PARD3B: variants seen among roughly 807,000 people sequenced by gnomAD.
PARD3B encodes the protein partitioning defective 3 homolog B.
A neutral mutation model predicts 130.2 loss-of-function variants in PARD3B; 103 were observed. That is an observed-to-expected ratio of 0.79 (90% confidence interval 0.67 to 0.93). The LOEUF (loss-of-function observed/expected upper bound fraction) is 0.93, where lower values mean the gene tolerates loss of function less well. PARD3B is among the 40% of genes least tolerant of loss of function. The pLI is 0.00. For synonymous variants in PARD3B, 583 were observed against 553.2 expected (o/e 1.05, Z -0.76); for missense variants, 1,609 against 1,499.2 (o/e 1.07, Z -1.21).
chr2:205,226,302 A>T (rs1242723296), intron 15 of PARD3B, among the ~76,000 whole-genome samples: 4 of 151,986 alleles, frequency 2.6e-5, no homozygotes, highest in Non-Finnish European at 5.9e-5. Flanking sequence ...TGGCCTCCCA[A>T]GTTCTGGGAT....
At chr2:205,151,824 G>A (rs1413817159) in intron 10 of PARD3B, among the ~76,000 whole-genome samples, 2 of 152,102 alleles carry the variant, frequency 1.3e-5, no homozygotes, top group Non-Finnish European at 2.9e-5. Flanking sequence ...TGGATATTTT[G>A]CCCATTAGTT....
intron 4 of PARD3B, among the ~76,000 whole-genome samples, chr2:205,053,831 CA>C (rs781389226): frequency 6.6e-6 from 1 of 151,876 alleles, no homozygotes; most frequent in Non-Finnish European, 1.5e-5. Context: ...AAGAGCAAAA[CA>C]GGGGGAGAAA....
chr2:205,368,148 A>G (rs2044676698), intron 18 of PARD3B, among the ~76,000 whole-genome samples: 1 of 152,184 alleles, frequency 6.6e-6, no homozygotes, highest in Non-Finnish European at 1.5e-5. Context: ...TAAATGGGGG[A>G]CAAAATAGCA....
intron 2 of PARD3B, among the ~76,000 whole-genome samples, chr2:204,784,742 C>T (rs1391117933): frequency 6.6e-6 from 1 of 152,102 alleles, no homozygotes; most frequent in African/African-American, 2.4e-5. Context: ...TGGTACCTAG[C>T]CCATTTATAA....
intron 3 of PARD3B, among the ~76,000 whole-genome samples, chr2:205,018,205 A>G (rs1343064235): frequency 6.6e-6 from 1 of 152,136 alleles, no homozygotes; most frequent in African/African-American, 2.4e-5. Flanking sequence ...TAAATCTGGA[A>G]AGAAGGAAGG....
intron 4 of PARD3B, among the ~76,000 whole-genome samples, chr2:205,080,327 C>T (rs1289708757): frequency 6.6e-6 from 1 of 152,092 alleles, no homozygotes; most frequent in African/African-American, 2.4e-5. Flanking sequence ...TCCTGCTCTG[C>T]TTCCGGTTAT....
intron 2 of PARD3B, among the ~76,000 whole-genome samples, chr2:204,933,999 C>T (rs777071076): frequency 5.9e-5 from 9 of 152,140 alleles, no homozygotes; most frequent in Non-Finnish European, 1.0e-4. Context: ...TGTTAATTGT[C>T]ACCTTATTCC....
intron 2 of PARD3B, among the ~76,000 whole-genome samples, chr2:204,913,615 A>C (rs978519525): frequency 1.3e-5 from 2 of 152,188 alleles, no homozygotes; most frequent in Non-Finnish European, 2.9e-5. Context: ...ATCTTTGCAA[A>C]GCTGAGTTTT....
At chr2:204,923,915 GA>G (rs2047779931) in intron 2 of PARD3B, among the ~76,000 whole-genome samples, 1 of 151,992 alleles carries the variant, frequency 6.6e-6, no homozygotes, top group African/African-American at 2.4e-5. Flanking sequence ...GATCCGAATT[GA>G]ATTTCAACAT....
At chr2:205,225,082 C>G (rs190083005) in intron 15 of PARD3B, among the ~76,000 whole-genome samples, 2 of 152,220 alleles carry the variant, frequency 1.3e-5, no homozygotes, top group East Asian at 3.9e-4. Context: ...GTGAAGATAT[C>G]TCTTTGATAT....
At chr2:205,493,245 A>G (rs144249263) in intron 20 of PARD3B, among the ~76,000 whole-genome samples, 7 of 152,264 alleles carry the variant, frequency 4.6e-5, no homozygotes, top group African/African-American at 1.7e-4. Context: ...AGACAGAACT[A>G]TGGTACTGTT....
chr2:205,237,087 C>CTTTGTTTG (rs542158879), intron 15 of PARD3B, among the ~76,000 whole-genome samples: 86 of 151,954 alleles, frequency 5.7e-4, no homozygotes, highest in African/African-American at 2.0e-3. Flanking sequence ...TGCTTAAACC[C>CTTTGTTTG]TTTGTTTGTT....
intron 3 of PARD3B, among the ~76,000 whole-genome samples, chr2:205,033,990 CAT>C (rs1230746861): frequency 3.3e-5 from 5 of 152,132 alleles, no homozygotes; most frequent in Non-Finnish European, 7.3e-5. Context: ...AGGCTGATAA[CAT>C]GTGCTGCATT....
At chr2:205,270,638 T>C (rs1316499621) in intron 16 of PARD3B, among the ~76,000 whole-genome samples, 1 of 151,988 alleles carries the variant, frequency 6.6e-6, no homozygotes, top group African/African-American at 2.4e-5. Flanking sequence ...GTAAAGTTCC[T>C]GTTTCTCACC....
intron 21 of PARD3B, among the ~76,000 whole-genome samples, chr2:205,522,013 T>C (rs2051082875): frequency 6.6e-6 from 1 of 152,010 alleles, no homozygotes; most frequent in African/African-American, 2.4e-5. Context: ...TTTTTTCCTT[T>C]ACTGAATTTT....
intron 2 of PARD3B, among the ~76,000 whole-genome samples, chr2:204,827,023 C>CA (rs149361946): frequency 1.1e-3 from 174 of 151,688 alleles, no homozygotes; most frequent in Non-Finnish European, 1.8e-3. Context: ...CTGTCTCTTC[C>CA]AAAAAAAATC....
chr2:205,256,220 G>C (rs918623282), intron 16 of PARD3B, among the ~76,000 whole-genome samples: 2 of 151,828 alleles, frequency 1.3e-5, no homozygotes, highest in Non-Finnish European at 2.9e-5. Flanking sequence ...AATAGTCATG[G>C]CTCCCTTATA....
intron 22 of PARD3B, among the ~76,000 whole-genome samples, chr2:205,576,781 C>G (rs1478293805): frequency 6.6e-6 from 1 of 152,122 alleles, no homozygotes; most frequent in Non-Finnish European, 1.5e-5. Flanking sequence ...TCTTCTTGGT[C>G]TTTTCCCTCT....
intron 21 of PARD3B, among the ~76,000 whole-genome samples, chr2:205,523,945 T>G (rs2051215484): frequency 6.6e-6 from 1 of 151,856 alleles, no homozygotes; most frequent in Non-Finnish European, 1.5e-5. Flanking sequence ...TGTCTGGTGG[T>G]TTGAAGTTTG....
Sources: allele counts gnomAD v4.1 joint callset (sites outside exome capture counted in the v4.1 genomes callset), GRCh38; gene constraint gnomAD v4.1.1; transcripts MANE v1.5; gene names NCBI Gene and HGNC (gene_info 2026-07-23, HGNC 2026-07-21).